The following ELSPBP1 variants were observed in gnomAD, a reference collection of about 807,000 sequenced individuals.
The protein encoded by ELSPBP1 is epididymal sperm-binding protein 1.
In ELSPBP1, 38 loss-of-function variants were observed where a neutral mutation model predicts 33.3. The observed-to-expected ratio is 1.14, with a 90% CI of 0.88 to 1.50. The LOEUF is 1.50. ELSPBP1 is among the 40% of genes most tolerant of loss of function. ELSPBP1 has a pLI of 0.00. For missense variants in ELSPBP1, 267 were observed against 263.5 expected, an observed-to-expected ratio of 1.01 and a Z score of -0.09; for synonymous variants, 85 against 94.1, an observed-to-expected ratio of 0.90 and a Z score of 0.56.
rs538956645 is a variant in ELSPBP1, at chr19:48,011,958, G to A, written c.71-2213G>A. Among the ~76,000 whole-genome samples, 9 of 152,082 alleles carry A rather than the reference G, an allele frequency of 5.9e-5. No homozygotes were observed. The highest frequency in any genetic ancestry group is 1.3e-4 in the Non-Finnish European group (9 of 68,004). ...ATGAACTAACAGTTGAGCAAGTTGA[G>A]CTCTCATCCCAGGTCTACAAAAAAA... On this transcript the variant is annotated intron_variant, in intron 2 of 6. Coordinates refer to ENST00000339841, the MANE Select transcript of ELSPBP1 (RefSeq NM_022142.5). This position sits in a 1 kb window ranked among gnomAD's most constrained non-coding sequence, Gnocchi z 4.5.
At chr19:48,019,170 C>T (rs866435668) in intron 4 of ELSPBP1, among the ~76,000 whole-genome samples, 6 of 151,802 alleles carry the variant, frequency 4.0e-5, no homozygotes, top group Middle Eastern at 3.2e-3. Flanking sequence ...TAAAAAATAA[C>T]GTCTCGAAGT....
chr19:48,021,850 A>T (rs1344186572), intron 5 of ELSPBP1, among the ~76,000 whole-genome samples: 1 of 151,748 alleles, frequency 6.6e-6, no homozygotes, highest in Non-Finnish European at 1.5e-5. Flanking sequence ...AGGCTCCAGC[A>T]ATCCTCCTGC....
intron 5 of ELSPBP1, among the ~76,000 whole-genome samples, chr19:48,020,142 C>A (rs745314374): frequency 6.6e-6 from 1 of 152,064 alleles, no homozygotes; most frequent in Non-Finnish European, 1.5e-5. Flanking sequence ...AGTAAACACA[C>A]GCCAGGGTTT....
rs1568404376 is a variant in ELSPBP1, at chr19:48,006,639, A to AG, written c.-17-2012_-17-2011insG. Among the ~76,000 whole-genome samples the AG allele has an allele frequency of 5.5e-4, 65 of 117,488 alleles. 4 individuals carry two copies. The highest frequency in any genetic ancestry group is 8.2e-4 in the Admixed American group (10 of 12,170). 77.1% of individuals were successfully genotyped at this position (117,488 alleles called of 152,430 possible). A position where few individuals can be genotyped will look rare whatever the true frequency, so the allele number is the denominator to read the frequency against. On this transcript the variant is annotated intron_variant, in intron 1 of 6. Coordinates refer to ENST00000339841, the MANE Select transcript of ELSPBP1 (RefSeq NM_022142.5). The stretch of plus-strand genomic sequence containing the variant: ...CCTGTCTCAAAAAAAAAAAAAAAAA[A>AG]AAAAAAAAGAAAAGAAAAAGAAAAT...
At chr19:48,023,479 GAGGGAAGGGAGGGAGGGAAGGAA>G (rs1967230313) in intron 6 of ELSPBP1, among the ~76,000 whole-genome samples, 1 of 67,572 alleles carries the variant, frequency 1.5e-5, no homozygotes, top group Non-Finnish European at 4.1e-5. Context: ...AGGAAGGGAG[GAGGGAAGGGAGGGAGGGAAGGAA>G]AAGAGGAAGG....
Position 48,011,785 on chromosome 19 carries a change from A to G in ELSPBP1, c.71-2386A>G, listed in dbSNP as rs62129073. Among the ~76,000 whole-genome samples the G allele has an allele frequency of 0.17, 25,411 of 152,128 alleles. 2,179 individuals carry two copies. Among genetic ancestry groups the G allele is most frequent in the South Asian group, 0.23 (1,095 of 4,824 alleles). ...GATGATGACAGTGATGGTAATGATG[A>G]TGATGATGACAATGATAATCATAGC... is the stretch of plus-strand genomic sequence containing the variant. On this transcript the variant is annotated intron_variant, in intron 2 of 6. Transcript: ENST00000339841. This position sits in a 1 kb window ranked among gnomAD's most constrained non-coding sequence, Gnocchi z 4.5.
intron 1 of ELSPBP1, among the ~76,000 whole-genome samples, chr19:48,007,310 G>A (rs1228233009): frequency 6.6e-6 from 1 of 152,146 alleles, no homozygotes; most frequent in African/African-American, 2.4e-5. Flanking sequence ...CACTGACTCT[G>A]AGATACATCA....
rs535101068 is a variant in ELSPBP1 at position 48,022,691 on chromosome 19, G to A, written c.*7+357G>A. Among the ~76,000 whole-genome samples the A allele has an allele frequency of 4.6e-5, 7 of 152,208 alleles. No individual in the cohort carries two copies. In the South Asian group the frequency reaches 1.0e-3, roughly 23 times the overall value. On this transcript the variant is annotated intron_variant, in intron 6 of 6. Coordinates refer to ENST00000339841, the MANE Select transcript of ELSPBP1 (RefSeq NM_022142.5). ...CCAAGTTTCAAGTCTGGGAGGCTTT[G>A]GCTGTTGATGATTAGAAAAGTGGAA...
intron 4 of ELSPBP1, among the ~76,000 whole-genome samples, chr19:48,016,463 TCCTTCTTTCTTTC>T (rs1568407323): frequency 1.5e-3 from 29 of 19,088 alleles, no homozygotes; most frequent in African/African-American, 6.7e-3. Flanking sequence ...TTCTTTTCTT[TCCTTCTTTCTTTC>T]TTTCTTTCTT....
At position 48,023,094 on chromosome 19, in the gene ELSPBP1, T is replaced by TGAAG. The variant is rs199993057; in HGVS notation, c.*7+772_*7+775dup. On this transcript the variant is annotated intron_variant, in intron 6 of 6. Coordinates refer to ENST00000339841, the MANE Select transcript of ELSPBP1 (RefSeq NM_022142.5). ...AAAGGAAGGAAAGAAGGAAGAAAGA[T>TGAAG]GAAGGAAGGAAGGAAAGAGAGAGGG... 9.1e-3 allele frequency among the ~76,000 whole-genome samples: 1,076 copies of TGAAG among 118,192 alleles called. 17 individuals are homozygous for TGAAG. Among genetic ancestry groups the TGAAG allele is most frequent in the African/African-American group, 0.033 (982 of 30,126 alleles). The allele number at this position is 118,192 out of a possible 152,430, so 77.5% of individuals were successfully genotyped here.
At chr19:48,021,518 C>A (rs1283977218) in intron 5 of ELSPBP1, among the ~76,000 whole-genome samples, 1 of 151,852 alleles carries the variant, frequency 6.6e-6, no homozygotes. Context: ...CGGCTCACTG[C>A]AACCTCCGCC....
At chr19:48,023,657 G>C (rs1036594727) in intron 6 of ELSPBP1, among the ~76,000 whole-genome samples, 1 of 151,970 alleles carries the variant, frequency 6.6e-6, no homozygotes, top group Non-Finnish European at 1.5e-5. Context: ...GGATAACCCA[G>C]AAGCCAAGAC....
intron 6 of ELSPBP1, among the ~76,000 whole-genome samples, chr19:48,022,760 G>A (rs879942252): frequency 3.4e-4 from 52 of 152,004 alleles, no homozygotes; most frequent in Admixed American, 1.9e-3. Context: ...CCCAGAAAAG[G>A]GGATAACTGA....
At chr19:48,006,985 T>C (rs1018499509) in intron 1 of ELSPBP1, among the ~76,000 whole-genome samples, 1 of 152,162 alleles carries the variant, frequency 6.6e-6, no homozygotes, top group African/African-American at 2.4e-5. Context: ...TACTCAGTGG[T>C]GCCACCTACC....
At position 48,016,036 on chromosome 19, in the gene ELSPBP1, A is replaced by G. The variant is rs1967128929; in HGVS notation, c.352A>G (p.Asn118Asp). 1.2e-6 allele frequency: 2 copies of G among 1,613,066 alleles called. No homozygotes were observed. The highest frequency in any genetic ancestry group is 1.7e-6 in the Non-Finnish European group (2 of 1,179,822). The change falls in exon 4 of 7, where the codon AAT becomes GAT. Residue 118 changes from asparagine to aspartate, a missense_variant. Physicochemically the swap from Asn to Asp is conservative, Grantham distance 23. Coordinates refer to ENST00000339841, the MANE Select transcript of ELSPBP1 (RefSeq NM_022142.5). Reference protein sequence around the residue: ...EKQQWKFCETNEYGGNSLRKP... With the variant: ...EKQQWKFCETDEYGGNSLRKP... Reference sequence around the variant, plus strand: ...ACAGCAGTGGAAATTCTGTGAAACGAATGGTGAGCCCCTGTAGCAGGGATG... The same window carrying G: ...ACAGCAGTGGAAATTCTGTGAAACGGATGGTGAGCCCCTGTAGCAGGGATG...
chr19:48,021,271 AG>A lies in ELSPBP1; in HGVS notation c.515-894del, dbSNP rs569249604. 9.2e-5 allele frequency among the ~76,000 whole-genome samples: 14 copies of A among 152,286 alleles called. No homozygotes were observed. The South Asian group carries it at 2.9e-3, about 32-fold the overall frequency. The stretch of plus-strand genomic sequence containing the variant: ...TCATGTTCTCAGCCAAGGGGGAACA[AG>A]GGGGTGCTCTTTCGGCTCATTTCAG... On this transcript the variant is annotated intron_variant, in intron 5 of 6. Transcript: ENST00000339841.
chr19:48,014,206 A>G lies in ELSPBP1; in HGVS notation c.106A>G (p.Lys36Glu), dbSNP rs1890287036. The G allele has an allele frequency of 6.2e-7, 1 of 1,613,950 alleles. No homozygotes were observed. The highest frequency in any genetic ancestry group is 8.5e-7 in the Non-Finnish European group (1 of 1,179,952). The change falls in exon 3 of 7, where the codon AAG becomes GAG. Residue 36 changes from lysine to glutamate, a missense_variant. Transcript: ENST00000339841. ...GGAATGTGTCTTTCCTTTCACCTAC[A>G]AGGGATCTGTTTACTTCACTTGCAC... ...HEECVFPFTY[K>E]GSVYFTCTHI... is the part of the protein sequence containing the mutation.
intron 1 of ELSPBP1, among the ~76,000 whole-genome samples, chr19:48,002,862 C>T (rs1271361277): frequency 6.6e-6 from 1 of 152,072 alleles, no homozygotes; most frequent in Non-Finnish European, 1.5e-5. Flanking sequence ...GCTTGTATGC[C>T]CCCTCTGACA....
chr19:48,008,211 A>G (rs1321294339), intron 1 of ELSPBP1, among the ~76,000 whole-genome samples: 3 of 151,720 alleles, frequency 2.0e-5, no homozygotes, highest in Middle Eastern at 3.2e-3. Context: ...GTAGAAACAT[A>G]TGTGTGTGTG....
Sources: allele counts gnomAD v4.1 joint callset (sites outside exome capture counted in the v4.1 genomes callset), GRCh38; gene constraint gnomAD v4.1.1; non-coding constraint Gnocchi (gnomAD v3.1); transcripts MANE v1.5; gene names NCBI Gene and HGNC (gene_info 2026-07-23, HGNC 2026-07-21).